Variants in CFAP97D2 observed in about 807,000 individuals in gnomAD.
CFAP97D2 encodes uncharacterized protein CFAP97D2.
intron 1 of CFAP97D2, among the ~76,000 whole-genome samples, chr13:114,188,774 C>G (rs2080859291): frequency 7.5e-6 from 1 of 133,456 alleles, no homozygotes; most frequent in Non-Finnish European, 1.6e-5. Context: ...GAGACTCAAT[C>G]TCAAAAAAAA....
Position 114,185,275 on chromosome 13 carries a change from C to A in CFAP97D2, c.90+5855C>A, listed in dbSNP as rs537915410. 6.6e-6 allele frequency among the ~76,000 whole-genome samples: 1 copy of A among 152,332 alleles called. No homozygotes were observed. Among genetic ancestry groups the A allele is most frequent in the Non-Finnish European group, 1.5e-5 (1 of 68,030 alleles). On this transcript the variant is annotated intron_variant, in intron 1 of 4. Coordinates refer to ENST00000646158, the Ensembl canonical transcript of CFAP97D2. This position sits in a 1 kb window ranked among gnomAD's most constrained non-coding sequence, Gnocchi z 5.2. ...GCCCACCCCTGGGAGCCCCCTGGAA[C>A]CTGTCACCCTAAGAGCCGCTGTGAT...
At chr13:114,182,344 C>T (rs985530020) in intron 1 of CFAP97D2, among the ~76,000 whole-genome samples, 4 of 152,080 alleles carry the variant, frequency 2.6e-5, no homozygotes, top group Non-Finnish European at 4.4e-5. Context: ...CTGTTTTTCT[C>T]CTATCTCAGA....
rs1348308827 is a variant in CFAP97D2 at position 114,198,759 on chromosome 13, C to T, written c.172-1566C>T. On this transcript the variant is annotated intron_variant, in intron 2 of 4. Coordinates refer to ENST00000646158, the Ensembl canonical transcript of CFAP97D2. The stretch of plus-strand genomic sequence containing the variant: ...TACAGTCCCCGCTGAGGGGTGACGG[C>T]GCGTCCCCGTGCTTACGGTCCCTGC... Among the ~76,000 whole-genome samples, 8 of 71,736 alleles carry T rather than the reference C, an allele frequency of 1.1e-4. 3 individuals carry two copies. The highest frequency in any genetic ancestry group is 1.8e-4 in the Non-Finnish European group (8 of 43,284). The allele number at this position is 71,736 out of a possible 152,430, so 47.1% of individuals were successfully genotyped here.
intron 2 of CFAP97D2, among the ~76,000 whole-genome samples, chr13:114,198,888 T>C (rs71217095): frequency 4.6e-5 from 2 of 43,026 alleles, no homozygotes; most frequent in East Asian, 1.2e-3. Context: ...CGTCCCCGTG[T>C]GTACGGTCCC....
chr13:114,207,847 T>C lies in CFAP97D2; in HGVS notation c.291-4065T>C, dbSNP rs2080948373. The stretch of plus-strand genomic sequence containing the variant: ...TCCCTAGAGAGGCTATGTGGTGGCT[T>C]TTAATCCCATTTTGGCTCTACAACT... On this transcript the variant is annotated intron_variant, in intron 3 of 4. Transcript: ENST00000646158. The surrounding 1 kb of genome is among the most constrained non-coding windows in gnomAD (Gnocchi z 4.9). Among the ~76,000 whole-genome samples the C allele has an allele frequency of 6.6e-6, 1 of 152,232 alleles. No individual in the cohort carries two copies. Among genetic ancestry groups the C allele is most frequent in the Admixed American group, 6.5e-5 (1 of 15,286 alleles).
In CFAP97D2 at chr13:114,200,589, T is replaced by C. The variant is rs377166078; in HGVS notation, c.290+146T>C. On this transcript the variant is annotated intron_variant, in intron 3 of 4. Coordinates refer to ENST00000646158, the Ensembl canonical transcript of CFAP97D2. ...CGAAAACAGCCACAGCTCTGAGGAG[T>C]GCCCTTTTCCTTGGCGGATTGTGAT... The C allele has an allele frequency of 1.8e-3, 697 of 393,496 alleles. 3 individuals are homozygous for C. The highest frequency in any genetic ancestry group is 0.011 in the South Asian group (75 of 6,962). 24.4% of individuals were successfully genotyped at this position (393,496 alleles called of 1,614,324 possible). A position where few individuals can be genotyped will look rare whatever the true frequency, so the allele number is the denominator to read the frequency against.
chr13:114,217,863 A>T (rs555044568), intron 4 of CFAP97D2, among the ~76,000 whole-genome samples: 1 of 152,244 alleles, frequency 6.6e-6, no homozygotes, highest in African/African-American at 2.4e-5. Flanking sequence ...TTCGGTATTG[A>T]TAGGACGTAT....
rs1299153158 is a variant in CFAP97D2 at position 114,222,186 on chromosome 13, G to A, written c.481-312G>A. 6.6e-6 allele frequency among the ~76,000 whole-genome samples: 1 copy of A among 152,172 alleles called. No homozygotes were observed. Among genetic ancestry groups the A allele is most frequent in the Admixed American group, 6.5e-5 (1 of 15,270 alleles). ...AGACAAAAAGTAATCAGTGGTTGTCGGGGCTGGGGGAAGGGAAATTGGGGA... is the reference window on the plus strand; with the variant it reads ...AGACAAAAAGTAATCAGTGGTTGTCAGGGCTGGGGGAAGGGAAATTGGGGA... On this transcript the variant is annotated intron_variant, in intron 4 of 4. Coordinates refer to ENST00000646158, the Ensembl canonical transcript of CFAP97D2. This position sits in a 1 kb window ranked among gnomAD's most constrained non-coding sequence, Gnocchi z 4.4.
At position 114,185,596 on chromosome 13, in the gene CFAP97D2, C is replaced by T. The variant is rs367844000; in HGVS notation, c.90+6176C>T. 1.4e-3 allele frequency among the ~76,000 whole-genome samples: 206 copies of T among 152,340 alleles called. No individual in the cohort carries two copies. Among genetic ancestry groups the T allele is most frequent in the African/African-American group, 4.6e-3 (192 of 41,590 alleles). ...AGCCCAGGAAGGCCCCCTGTCTCCC[C>T]GCAGGCTCAGAAGTGCCTGCTCCCA... is the stretch of plus-strand genomic sequence containing the variant. On this transcript the variant is annotated intron_variant, in intron 1 of 4. Transcript: ENST00000646158. The surrounding 1 kb of genome is among the most constrained non-coding windows in gnomAD (Gnocchi z 5.2).
chr13:114,183,667 A>C (rs978929577), intron 1 of CFAP97D2, among the ~76,000 whole-genome samples: 22 of 152,138 alleles, frequency 1.4e-4, no homozygotes, highest in Admixed American at 1.1e-3. Context: ...TAAGAGATGG[A>C]AGGCCCAGGC....
At chr13:114,194,854 G>C (rs1016765248) in intron 1 of CFAP97D2, among the ~76,000 whole-genome samples, 2 of 152,192 alleles carry the variant, frequency 1.3e-5, no homozygotes, top group African/African-American at 4.8e-5. Context: ...TAACAGTTAT[G>C]TTCTCAAATC....
chr13:114,207,075 A>G lies in CFAP97D2; in HGVS notation c.291-4837A>G, dbSNP rs4500593. Reference sequence around the variant, plus strand: ...AGCTGTGGCCCTGGCACAGGCTGCCAAGCATCACCACCGCATGGCAGCAGT... The same window carrying G: ...AGCTGTGGCCCTGGCACAGGCTGCCGAGCATCACCACCGCATGGCAGCAGT... On this transcript the variant is annotated intron_variant, in intron 3 of 4. Coordinates refer to ENST00000646158, the Ensembl canonical transcript of CFAP97D2. The surrounding 1 kb of genome is among the most constrained non-coding windows in gnomAD (Gnocchi z 4.9). Among the ~76,000 whole-genome samples, 9,955 of 152,260 alleles carry G rather than the reference A, an allele frequency of 0.065. 555 individuals carry two copies. Among genetic ancestry groups the G allele is most frequent in the African/African-American group, 0.13 (5,384 of 41,532 alleles).
rs1278846595 is a variant in CFAP97D2, at chr13:114,222,292, C to A, written c.481-206C>A. ...TTATATTGTGACAATAGTTGCACAA[C>A]TCTGAATATACCAAAACACACTAAA... is the stretch of plus-strand genomic sequence containing the variant. On this transcript the variant is annotated intron_variant, in intron 4 of 4. Transcript: ENST00000646158. This position sits in a 1 kb window ranked among gnomAD's most constrained non-coding sequence, Gnocchi z 4.4. Among the ~76,000 whole-genome samples the A allele has an allele frequency of 6.6e-6, 1 of 152,166 alleles. No homozygotes were observed. The highest frequency in any genetic ancestry group is 1.5e-5 in the Non-Finnish European group (1 of 68,030).
At chr13:114,217,724 T>C (rs2081001918) in intron 4 of CFAP97D2, among the ~76,000 whole-genome samples, 1 of 152,282 alleles carries the variant, frequency 6.6e-6, no homozygotes, top group East Asian at 1.9e-4. Flanking sequence ...GTTCAACATA[T>C]GCAAATCAAT....
chr13:114,200,741 A>C (rs1316800418), intron 3 of CFAP97D2, among the ~76,000 whole-genome samples: 1 of 152,214 alleles, frequency 6.6e-6, no homozygotes, highest in African/African-American at 2.4e-5. Context: ...CAGAACCCTC[A>C]CAGGACCCCG....
At position 114,211,022 on chromosome 13, in the gene CFAP97D2, C is replaced by T. The variant is rs1442428332; in HGVS notation, c.291-890C>T. Among the ~76,000 whole-genome samples, 2 of 152,144 alleles carry T rather than the reference C, an allele frequency of 1.3e-5. No individual in the cohort carries two copies. The highest frequency in any genetic ancestry group is 2.9e-5 in the Non-Finnish European group (2 of 68,032). ...CAGTGCCTGGCACAGAGGAAGTGCC[C>T]AACAAGTCTCCAGAGGGTGATGGTG... On this transcript the variant is annotated intron_variant, in intron 3 of 4. Coordinates refer to ENST00000646158, the Ensembl canonical transcript of CFAP97D2. The surrounding 1 kb of genome is among the most constrained non-coding windows in gnomAD (Gnocchi z 4.2).
intron 1 of CFAP97D2, among the ~76,000 whole-genome samples, chr13:114,188,168 C>T (rs1211945297): frequency 1.3e-5 from 2 of 151,434 alleles, no homozygotes; most frequent in African/African-American, 2.4e-5. Context: ...CCTGAGGTCC[C>T]ACCTATTAGG....
intron 1 of CFAP97D2, among the ~76,000 whole-genome samples, chr13:114,182,406 G>T (rs570647935): frequency 9.4e-4 from 143 of 152,090 alleles, no homozygotes; most frequent in Middle Eastern, 3.4e-3. Flanking sequence ...GTTCCCAGGG[G>T]CAGGCAGGAG....
At chr13:114,209,163 C>T (rs760923742) in intron 3 of CFAP97D2, among the ~76,000 whole-genome samples, 5 of 152,212 alleles carry the variant, frequency 3.3e-5, no homozygotes, top group African/African-American at 4.8e-5. Flanking sequence ...TTTCTGCTGC[C>T]GTGAGGACCA....
Sources: gnomAD v4.1 joint callset for allele counts (sites outside exome capture counted in the v4.1 genomes callset) on GRCh38, gnomAD v4.1.1 for gene constraint, Gnocchi (gnomAD v3.1) non-coding constraint, MANE v1.5 for transcripts, NCBI Gene and HGNC (gene_info 2026-07-23, HGNC 2026-07-21) for gene names.